The following FAT3 variants were observed in gnomAD, a reference collection of about 807,000 sequenced individuals.
The protein encoded by FAT3 is FAT atypical cadherin 3.
FAT3 carries 95 observed loss-of-function variants against 310.2 expected under a neutral mutation model. That is an observed-to-expected ratio of 0.31 (90% CI 0.26 to 0.36). FAT3 has a LOEUF of 0.36. Ranked by LOEUF, FAT3 falls within the 10% of genes least tolerant of loss-of-function variation. The pLI, the probability that FAT3 is intolerant of heterozygous loss-of-function variation, is 1.00. For missense variants in FAT3, 5,408 were observed against 5,715.6 expected, an observed-to-expected ratio of 0.95 and a Z score of 1.74; for synonymous variants, 2,314 against 2,192.9, an observed-to-expected ratio of 1.06 and a Z score of -1.54.
At chr11:92,848,705 A>C (rs1276657359) in intron 19 of FAT3, among the ~76,000 whole-genome samples, 2 of 152,264 alleles carry the variant, frequency 1.3e-5, no homozygotes, top group Non-Finnish European at 2.9e-5. Context: ...CTAGTGCTCC[A>C]AATGAAATGG....
At chr11:92,468,248 T>A (rs566100888) in intron 2 of FAT3, among the ~76,000 whole-genome samples, 7 of 152,174 alleles carry the variant, frequency 4.6e-5, no homozygotes, top group Admixed American at 2.6e-4. Flanking sequence ...AAAATCACTT[T>A]ATGAAGTAAC....
chr11:92,458,236 C>T (rs1451179346), intron 2 of FAT3, among the ~76,000 whole-genome samples: 2 of 152,144 alleles, frequency 1.3e-5, no homozygotes, highest in African/African-American at 4.8e-5. Context: ...TGGAGACTTG[C>T]AGCAGTGGGC....
chr11:92,351,933 C>T (rs2134629230), intron 1 of FAT3, among the ~76,000 whole-genome samples, 163 bp from the exon 2 acceptor site: 1 of 152,232 alleles, frequency 6.6e-6, no homozygotes, highest in East Asian at 1.9e-4. Context: ...TCCTTATTAC[C>T]TAGTAGTGGC....
rs769208873 is a variant in FAT3, at chr11:92,352,381, G to A, written c.269G>A (p.Gly90Asp). ...AGAATAGTGTCCGGAGACGAGGAAGGCTTTTTCAAAGCAGAGGAAGTCATC... is the reference window on the plus strand; with the variant it reads ...AGAATAGTGTCCGGAGACGAGGAAGACTTTTTCAAAGCAGAGGAAGTCATC... ...KYRIVSGDEE[G>D]FFKAEEVIIA... Residue 90 changes from glycine (G) to aspartate (D), a missense_variant, in exon 2 of 28, where the codon GGC becomes GAC. Coordinates refer to ENST00000525166, the MANE Select transcript of FAT3 (RefSeq NM_001367949.2). The A allele has an allele frequency of 6.2e-7, 1 of 1,609,136 alleles. No homozygotes were observed. Among genetic ancestry groups the A allele is most frequent in the African/African-American group, 1.3e-5 (1 of 74,812 alleles).
chr11:92,392,004 G>A (rs118136717), intron 2 of FAT3, among the ~76,000 whole-genome samples: 381 of 152,202 alleles, frequency 2.5e-3, no homozygotes, highest in Non-Finnish European at 4.4e-3. Context: ...GCTCACTTGT[G>A]TTCATTCCTT....
chr11:92,541,495 A>G (rs1250429725), intron 3 of FAT3, among the ~76,000 whole-genome samples: 1 of 152,160 alleles, frequency 6.6e-6, no homozygotes, highest in Admixed American at 6.5e-5. Context: ...ATTGAAGGAA[A>G]TTTTATATTG....
At chr11:92,278,529 A>G (rs1396521076) in intron 1 of FAT3, among the ~76,000 whole-genome samples, 1 of 152,112 alleles carries the variant, frequency 6.6e-6, no homozygotes, top group Non-Finnish European at 1.5e-5. Context: ...TGTAATATAT[A>G]GTGATGGAAG....
At chr11:92,350,579 G>A (rs369593364) in intron 1 of FAT3, among the ~76,000 whole-genome samples, 9 of 152,062 alleles carry the variant, frequency 5.9e-5, no homozygotes, top group African/African-American at 2.2e-4. Context: ...GTGTGATGGG[G>A]AAAAGCATGG....
chr11:92,263,427 A>G (rs2134312893), intron 1 of FAT3, among the ~76,000 whole-genome samples: 1 of 152,174 alleles, frequency 6.6e-6, no homozygotes, highest in African/African-American at 2.4e-5. Flanking sequence ...AAGATTTCAT[A>G]TCAATGCTAT....
intron 1 of FAT3, among the ~76,000 whole-genome samples, chr11:92,314,504 A>G (rs1487442907): frequency 6.6e-6 from 1 of 152,100 alleles, no homozygotes. Flanking sequence ...TTGTCTGCTT[A>G]TTGTGGGTCT....
intron 1 of FAT3, among the ~76,000 whole-genome samples, chr11:92,310,457 G>A (rs1233938313): frequency 6.6e-6 from 1 of 152,092 alleles, no homozygotes; most frequent in African/African-American, 2.4e-5. Flanking sequence ...TGAACCACAG[G>A]CAAAAGAATC....
chr11:92,294,626 G>A (rs1267843927), intron 1 of FAT3, among the ~76,000 whole-genome samples: 1 of 151,426 alleles, frequency 6.6e-6, no homozygotes, highest in African/African-American at 2.4e-5. Flanking sequence ...CTATGTTGTT[G>A]TCTATTGCTA....
At chr11:92,816,697 TGGGTGTGGTGG>T (rs1223562140) in intron 13 of FAT3, among the ~76,000 whole-genome samples, 2 of 152,068 alleles carry the variant, frequency 1.3e-5, no homozygotes, top group Non-Finnish European at 2.9e-5. Context: ...AGGAAAGAGC[TGGGTGTGGTGG>T]CTCATGCCTG....
In FAT3 at chr11:92,710,359, AT is replaced by A. The variant is rs1197448807; in HGVS notation, c.3669+12916del. ...AGATTTTCTCTTCATGGTATATGGC[AT>A]TCTTCTTGTCACTGCAAATAACTTT... is the stretch of plus-strand genomic sequence containing the variant. On this transcript the variant is annotated intron_variant, in intron 4 of 27. Transcript: ENST00000525166. Among the ~76,000 whole-genome samples the A allele has an allele frequency of 3.9e-5, 6 of 152,294 alleles. No homozygotes were observed. The South Asian group carries it at 1.0e-3, about 26-fold the overall frequency.
intron 2 of FAT3, among the ~76,000 whole-genome samples, chr11:92,447,157 G>A (rs1565324114): frequency 6.6e-6 from 1 of 151,996 alleles, no homozygotes; most frequent in Non-Finnish European, 1.5e-5. Context: ...TGCCATATGT[G>A]TGTATGTATG....
chr11:92,673,837 G>A (rs574990866), intron 3 of FAT3, among the ~76,000 whole-genome samples: 2 of 152,200 alleles, frequency 1.3e-5, no homozygotes, highest in South Asian at 2.1e-4. Flanking sequence ...AATCCTCCTA[G>A]ACTTCCAGGA....
chr11:92,344,048 T>C (rs992668898), intron 1 of FAT3, among the ~76,000 whole-genome samples: 11 of 152,140 alleles, frequency 7.2e-5, no homozygotes, highest in Admixed American at 6.5e-4. Context: ...TCCCTTGGGA[T>C]CCCAAATTAC....
intron 3 of FAT3, among the ~76,000 whole-genome samples, chr11:92,661,052 G>A (rs533764839): frequency 1.4e-4 from 22 of 152,324 alleles, no homozygotes; most frequent in Admixed American, 3.9e-4. Flanking sequence ...CACTAGGTGA[G>A]TATTTGATTA....
chr11:92,378,039 A>AT (rs1253658855), intron 2 of FAT3, among the ~76,000 whole-genome samples: 3 of 152,056 alleles, frequency 2.0e-5, no homozygotes, highest in African/African-American at 4.8e-5. Flanking sequence ...AGTTTGTGTC[A>AT]TTTTTTTCAG....
Sources: gnomAD v4.1 joint callset for allele counts (sites outside exome capture counted in the v4.1 genomes callset) on GRCh38, gnomAD v4.1.1 for gene constraint, MANE v1.5 for transcripts, NCBI Gene and HGNC (gene_info 2026-07-23, HGNC 2026-07-21) for gene names.